ZNF274: variants seen among roughly 807,000 people sequenced by gnomAD.
ZNF274 encodes the protein neurotrophin receptor-interacting factor homolog.
ZNF274 carries 23 observed loss-of-function variants against 42.5 expected under a neutral mutation model. That is an observed-to-expected ratio of 0.54 (90% CI 0.39 to 0.77). ZNF274 has a LOEUF of 0.77. ZNF274 is among the 30% of genes least tolerant of loss of function. The pLI, the probability that ZNF274 is intolerant of heterozygous loss-of-function variation, is 0.00. For synonymous variants in ZNF274, 292 were observed against 305.4 expected (o/e 0.96, Z 0.46); for missense variants, 679 against 806.5 (o/e 0.84, Z 1.91).
intron 4 of ZNF274, among the ~76,000 whole-genome samples, chr19:58,193,888 T>C (rs958877645): frequency 6.6e-6 from 1 of 152,016 alleles, no homozygotes; most frequent in Non-Finnish European, 1.5e-5. Context: ...ATTGTACCAC[T>C]GCACTTCAGC....
In ZNF274 at chr19:58,213,033, C is replaced by A; in HGVS notation, c.1852C>A (p.Pro618Thr). 6.2e-7 allele frequency: 1 copy of A among 1,614,034 alleles called. No individual in the cohort carries two copies. Among genetic ancestry groups the A allele is most frequent in the Non-Finnish European group, 8.5e-7 (1 of 1,179,910 alleles). ...TCAGAGGACTCACACCGGGGAGCGC[C>A]CATATGCATGCAACAAATGTGGAAA... is the stretch of plus-strand genomic sequence containing the variant. ...RHQRTHTGERPYACNKCGKAF... is the reference protein window; with the variant it reads ...RHQRTHTGERTYACNKCGKAF... Residue 618 changes from proline to threonine, a missense_variant, in exon 8 of 8, where the codon CCA becomes ACA. Pro to Thr is a conservative substitution (Grantham distance 38). Around this residue, in one of 2 missense-constraint regions of ZNF274, gnomAD observed 456 missense variants for 590.1 expected, o/e 0.77. Transcript: ENST00000617501.
chr19:58,197,502 GAACA>G (rs1339477984), intron 4 of ZNF274, among the ~76,000 whole-genome samples: 1 of 152,126 alleles, frequency 6.6e-6, no homozygotes, highest in African/African-American at 2.4e-5. Context: ...TGAACATCTA[GAACA>G]AATATTTAAA....
rs74611720 is a variant in ZNF274, at chr19:58,191,787, T to C, written c.256+4745T>C. ...GTCACAGAAAGAGTCCTTAATTAGA[T>C]GCTGTCCTTCCTCTTCTCCTTCTTC... is the stretch of plus-strand genomic sequence containing the variant. On this transcript the variant is annotated intron_variant, in intron 4 of 7. Transcript: ENST00000617501. Among the ~76,000 whole-genome samples, 633 of 152,336 alleles carry C rather than the reference T, an allele frequency of 4.2e-3. 5 individuals are homozygous for C. The highest frequency in any genetic ancestry group is 0.024 in the Middle Eastern group (7 of 294).
intron 4 of ZNF274, among the ~76,000 whole-genome samples, chr19:58,200,183 T>TA (rs1369412138): frequency 6.6e-6 from 1 of 152,228 alleles, no homozygotes; most frequent in Non-Finnish European, 1.5e-5. Flanking sequence ...GGGCAGGTCT[T>TA]ACACCTGCTT....
At position 58,206,878 on chromosome 19, in the gene ZNF274, A is replaced by G. The variant is rs547160281; in HGVS notation, c.415A>G (p.Ser139Gly). 6.2e-7 allele frequency: 1 copy of G among 1,613,906 alleles called. No homozygotes were observed. Among genetic ancestry groups the G allele is most frequent in the African/African-American group, 1.3e-5 (1 of 75,054 alleles). The change falls in exon 5 of 8, where the codon AGT (serine) becomes GGT (glycine). Residue 139 changes from serine (S) to glycine (G), a missense_variant. Transcript: ENST00000617501. ...QALYAEDGSL[S>G]ADAPSEQVQQ... ...CCTATATGCTGAAGATGGAAGCCTG[A>G]GTGCAGATGCCCCCAGTGAGCAGGT... is the stretch of plus-strand genomic sequence containing the variant.
Position 58,211,378 on chromosome 19 carries a change from C to A in ZNF274, c.853-182C>A. The stretch of plus-strand genomic sequence containing the variant: ...CTGCCTCCCAGCCTGAGACCCAGAC[C>A]CTGGTTTGGACCCAGTAGAACTCTT... On this transcript the variant is annotated intron_variant, in intron 6 of 7. Transcript: ENST00000617501. The surrounding 1 kb of genome is among the most constrained non-coding windows in gnomAD (Gnocchi z 4.8). 1 of 658,340 alleles carries A rather than the reference C, an allele frequency of 1.5e-6. No individual in the cohort carries two copies. Among genetic ancestry groups the A allele is most frequent in the Non-Finnish European group, 2.4e-6 (1 of 419,860 alleles). 40.8% of individuals were successfully genotyped at this position (658,340 alleles called of 1,614,324 possible).
chr19:58,187,754 C>T (rs545952577), intron 4 of ZNF274, among the ~76,000 whole-genome samples: 72 of 150,746 alleles, frequency 4.8e-4, no homozygotes, highest in South Asian at 2.8e-3. Flanking sequence ...GAGATGGAAT[C>T]TCACTCTGTT....
Position 58,212,170 on chromosome 19 carries a change from C to T in ZNF274, c.989C>T (p.Thr330Ile), listed in dbSNP as rs1250835678. The T allele has an allele frequency of 1.9e-6, 3 of 1,603,372 alleles. No individual in the cohort carries two copies. The highest frequency in any genetic ancestry group is 2.5e-6 in the Non-Finnish European group (3 of 1,178,328). ...TGTTTATTTTTTTCAGGGTGGGAGACTACACTGGAAAATAAAGAGTTAGCT... is the reference window on the plus strand; with the variant it reads ...TGTTTATTTTTTTCAGGGTGGGAGATTACACTGGAAAATAAAGAGTTAGCT... The part of the protein sequence containing the change: ...FGHLVSVGWE[T>I]TLENKELAPN... The change falls in exon 8 of 8, where the codon ACT becomes ATT. Residue 330 changes from threonine to isoleucine, a missense_variant. Physicochemically the swap from Thr to Ile is moderately conservative, Grantham distance 89 (BLOSUM62 -1). This residue lies in a region of ZNF274 where 456 missense variants were observed against 590.1 expected (regional missense o/e 0.77). Transcript: ENST00000617501. This position sits in a 1 kb window ranked among gnomAD's most constrained non-coding sequence, Gnocchi z 4.6.
At chr19:58,186,116 G>A (rs2075695191) in intron 3 of ZNF274, 2 of 198,402 alleles carry the variant, frequency 1.0e-5, no homozygotes, top group Non-Finnish European at 2.0e-5. Flanking sequence ...ACTGAAGCAG[G>A]AGGATTGCTT....
Position 58,211,382 on chromosome 19 carries a change from G to A in ZNF274, c.853-178G>A. ...CTCCCAGCCTGAGACCCAGACCCTG[G>A]TTTGGACCCAGTAGAACTCTTGTGG... On this transcript the variant is annotated intron_variant, in intron 6 of 7. Coordinates refer to ENST00000617501, the MANE Select transcript of ZNF274 (RefSeq NM_133502.3). This position sits in a 1 kb window ranked among gnomAD's most constrained non-coding sequence, Gnocchi z 4.8. 2 of 707,744 alleles carry A rather than the reference G, an allele frequency of 2.8e-6. No homozygotes were observed. Among genetic ancestry groups the A allele is most frequent in the Non-Finnish European group, 4.4e-6 (2 of 459,574 alleles). 43.8% of individuals were successfully genotyped at this position (707,744 alleles called of 1,614,324 possible).
chr19:58,196,292 G>A lies in ZNF274; in HGVS notation c.256+9250G>A, dbSNP rs187946282. Among the ~76,000 whole-genome samples, 903 of 152,262 alleles carry A rather than the reference G, an allele frequency of 5.9e-3. 9 individuals carry two copies. The highest frequency in any genetic ancestry group is 0.02 in the African/African-American group (827 of 41,558). The stretch of plus-strand genomic sequence containing the variant: ...AAGTTAAGTAGAGGCCAGGCACGGC[G>A]GCTCATGCCTGTAATTGCAGCACTT... On this transcript the variant is annotated intron_variant, in intron 4 of 7. Coordinates refer to ENST00000617501, the MANE Select transcript of ZNF274 (RefSeq NM_133502.3).
Position 58,212,425 on chromosome 19 carries a change from AC to A in ZNF274, c.1246del (p.Gln416LysfsTer45). 1.2e-6 allele frequency: 2 copies of A among 1,612,902 alleles called. No homozygotes were observed. The highest frequency in any genetic ancestry group is 1.7e-6 in the Non-Finnish European group (2 of 1,179,326). On this transcript the variant is annotated frameshift_variant, in exon 8 of 8. Transcript: ENST00000617501. LOFTEE classifies it low-confidence loss of function (END_TRUNC). This position sits in a 1 kb window ranked among gnomAD's most constrained non-coding sequence, Gnocchi z 4.6. ...SQANSGALDT[N>X]QVSLQKIDNP... is the part of the protein sequence containing the mutation. ...GCAAACAGTGGTGCTCTTGACACAA[AC>A]CAAGTTTCGCTCCAGAAAATTGACA...
At chr19:58,200,056 G>A (rs1262523422) in intron 4 of ZNF274, among the ~76,000 whole-genome samples, 1 of 152,146 alleles carries the variant, frequency 6.6e-6, no homozygotes, top group Non-Finnish European at 1.5e-5. Flanking sequence ...AAGCAAGTGG[G>A]GTGCAAACTA....
chr19:58,195,822 C>T (rs2075835265), intron 4 of ZNF274, among the ~76,000 whole-genome samples: 1 of 152,174 alleles, frequency 6.6e-6, no homozygotes, highest in African/African-American at 2.4e-5. Context: ...GCACAGTTTA[C>T]AATAGGGTTC....
rs1202939589 is a variant in ZNF274 at position 58,213,161 on chromosome 19, G to A, written c.*18G>A. On this transcript the variant is annotated 3_prime_UTR_variant, in exon 8 of 8. Transcript: ENST00000617501. The stretch of plus-strand genomic sequence containing the variant: ...CCTCATAGCTCTCAAGCCAGTTGAA[G>A]AAACCTTGCCTTTTCAGCTTGACCC... 10 of 1,589,178 alleles carry A rather than the reference G, an allele frequency of 6.3e-6. No homozygotes were observed. Among genetic ancestry groups the A allele is most frequent in the South Asian group, 5.6e-5 (5 of 88,694 alleles).
chr19:58,205,710 C>T (rs1479644392), intron 4 of ZNF274, among the ~76,000 whole-genome samples: 1 of 152,202 alleles, frequency 6.6e-6, no homozygotes, highest in Non-Finnish European at 1.5e-5. Context: ...GCTGCCTCCT[C>T]AGCATTTCAG....
chr19:58,188,613 AAAAAAAAAT>A (rs1466631639), intron 4 of ZNF274, among the ~76,000 whole-genome samples: 67 of 68,466 alleles, frequency 9.8e-4, no homozygotes, highest in South Asian at 5.5e-3. Flanking sequence ...CTCAAAAAAA[AAAAAAAAAT>A]ATATATATAT....
rs565299900 is a variant in ZNF274 at position 58,206,662 on chromosome 19, G to A, written c.257-58G>A. The A allele has an allele frequency of 3.9e-5, 58 of 1,490,036 alleles. No homozygotes were observed. The African/African-American group carries it at 5.5e-4, about 14-fold the overall frequency. 92.3% of individuals were successfully genotyped at this position (1,490,036 alleles called of 1,614,324 possible). A position where few individuals can be genotyped will look rare whatever the true frequency, so the allele number is the denominator to read the frequency against. On this transcript the variant is annotated intron_variant, in intron 4 of 7. Transcript: ENST00000617501. ...TTGCATTTCCCTAGTGAATAATGGC[G>A]TTGAGCATCTTTTCATGTGCTTGTT...
chr19:58,188,694 G>GTATATATATATATATATATATA (rs71925177), intron 4 of ZNF274, among the ~76,000 whole-genome samples: 69 of 74,616 alleles, frequency 9.2e-4, no homozygotes, highest in Non-Finnish European at 1.2e-3. Flanking sequence ...ATATGTATAT[G>GTATATATATATATATATATATA]TATATATATA....
Sources: gnomAD v4.1 joint callset for allele counts (sites outside exome capture counted in the v4.1 genomes callset) on GRCh38, gnomAD v4.1.1 for gene constraint, gnomAD v4.1.1 regional missense constraint, Gnocchi (gnomAD v3.1) non-coding constraint, MANE v1.5 for transcripts, NCBI Gene and HGNC (gene_info 2026-07-23, HGNC 2026-07-21) for gene names.